The following ITIH4 variants were observed in gnomAD, a reference collection of about 807,000 sequenced individuals.
ITIH4 encodes the protein inter-alpha-trypsin inhibitor heavy chain H4.
In ITIH4, 79 loss-of-function variants were observed where a neutral mutation model predicts 111.8. The observed-to-expected ratio is 0.71, with a 90% CI of 0.59 to 0.85. ITIH4 has a LOEUF of 0.85. ITIH4 is among the 40% of genes least tolerant of loss of function. The pLI, the probability that ITIH4 is intolerant of heterozygous loss-of-function variation, is 0.00. For missense variants in ITIH4, 1,065 were observed against 1,195.8 expected (o/e 0.89, Z 1.61); for synonymous variants, 472 against 468.3 (o/e 1.01, Z -0.10).
At chr3:52,827,475 G>T (rs998494401) in intron 2 of ITIH4, among the ~76,000 whole-genome samples, 1 of 152,254 alleles carries the variant, frequency 6.6e-6, no homozygotes, top group African/African-American at 2.4e-5. Context: ...CAGAGGGGCA[G>T]GGCCGGGCTA....
chr3:52,823,945 T>A lies in ITIH4; in HGVS notation c.1231A>T (p.Ser411Cys). 1 of 1,600,848 alleles carries A rather than the reference T, an allele frequency of 6.2e-7. No homozygotes were observed. The change falls in exon 10 of 24, where the codon AGC (serine) becomes TGC (cysteine). Residue 411 changes from serine to cysteine, a missense_variant. Coordinates refer to ENST00000266041, the MANE Select transcript of ITIH4 (RefSeq NM_002218.5). ...AAACCGAAGCCCAGGCAGAAGAGGC[T>A]GTACCGGCCACTTACAGCTTCCCGC... ...NVREAVSGRY[S>C]LFCLGFGFDV...
intron 21 of ITIH4, among the ~76,000 whole-genome samples, chr3:52,815,267 G>A (rs1457218696): frequency 2.8e-5 from 4 of 145,248 alleles, no homozygotes; most frequent in African/African-American, 1.0e-4. Flanking sequence ...TTTTTGAGAC[G>A]GAGTCTCGCT....
chr3:52,825,510 T>A (rs2240915), intron 6 of ITIH4, among the ~76,000 whole-genome samples: 72,562 of 151,378 alleles, frequency 0.48, 18,572 homozygotes, highest in African/African-American at 0.66. Flanking sequence ...AGGCAGGAGT[T>A]TCTTTTGAAC....
chr3:52,817,624 C>T (rs1700304188), intron 20 of ITIH4, among the ~76,000 whole-genome samples: 1 of 152,198 alleles, frequency 6.6e-6, no homozygotes, highest in Non-Finnish European at 1.5e-5. Flanking sequence ...TCCTGCCATT[C>T]CCCTCATCCA....
chr3:52,825,894 A>C lies in ITIH4; in HGVS notation c.751T>G (p.Ser251Ala). The C allele has an allele frequency of 6.2e-7, 1 of 1,613,530 alleles. No homozygotes were observed. Among genetic ancestry groups the C allele is most frequent in the Non-Finnish European group, 8.5e-7 (1 of 1,179,748 alleles). Residue 251 changes from serine (S) to alanine (A), a missense_variant, in exon 6 of 24, where the codon TCC becomes GCC. By Grantham distance (99) the Ser-to-Ala change is moderately conservative. Transcript: ENST00000266041. ...GCCTGAAGTCCACCCACCTGAATGG[A>C]GCCCCCGGAGATGGCCCGGTCCACA... is the stretch of plus-strand genomic sequence containing the variant. The part of the protein sequence containing the change: ...YDVDRAISGG[S>A]IQIENGYFVH...
chr3:52,820,197 G>A (rs1700354520), intron 14 of ITIH4, 94 bp downstream of exon 14: 2 of 1,538,632 alleles, frequency 1.3e-6, no homozygotes. Flanking sequence ...GGGTGGACCT[G>A]GGCCCTGGCC....
At chr3:52,818,010 G>T in intron 20 of ITIH4, 42 bp downstream of exon 20, 1 of 1,449,102 alleles carries the variant, frequency 6.9e-7, no homozygotes, top group Non-Finnish European at 9.7e-7. Context: ...TGGTGGGTGT[G>T]TGCCAGTGGT....
At position 52,824,037 on chromosome 3, in the gene ITIH4, A is replaced by T. The variant is rs377749739; in HGVS notation, c.1172-33T>A. 1.3e-6 allele frequency: 2 copies of T among 1,543,078 alleles called. No homozygotes were observed. Among genetic ancestry groups the T allele is most frequent in the Non-Finnish European group, 1.7e-6 (2 of 1,144,264 alleles). ...CAGGGGTTTGGGATGAGGGTGAGAA[A>T]ATAGTGATTTGCTTGAAGAATATTT... On this transcript the variant is annotated intron_variant, in intron 9 of 23. Transcript: ENST00000266041. This position sits in a 1 kb window ranked among gnomAD's most constrained non-coding sequence, Gnocchi z 4.3.
At chr3:52,814,405 T>A (rs769091749) in intron 21 of ITIH4, 42 bp from the exon 22 acceptor site, 1 of 1,584,306 alleles carries the variant, frequency 6.3e-7, no homozygotes, top group African/African-American at 1.3e-5. Context: ...GGTAGAGACG[T>A]GTGCACAGAA....
At chr3:52,828,558 G>C (rs1384130424) in intron 2 of ITIH4, among the ~76,000 whole-genome samples, 1 of 152,188 alleles carries the variant, frequency 6.6e-6, no homozygotes, top group Non-Finnish European at 1.5e-5. Context: ...AGTAAACATT[G>C]GAAACTGAGT....
Position 52,824,183 on chromosome 3 carries a change from C to T in ITIH4, c.1171+7G>A. On this transcript the variant is annotated splice_region_variant and intron_variant, in intron 9 of 23. Transcript: ENST00000266041. The surrounding 1 kb of genome is among the most constrained non-coding windows in gnomAD (Gnocchi z 4.3). ...GCACGTCCTGGAGTCACGGGCAGGG[C>T]CCTCACCCACAGTGGGGTCGCCATC... 1.2e-6 allele frequency: 2 copies of T among 1,612,892 alleles called. No homozygotes were observed. Among genetic ancestry groups the T allele is most frequent in the Admixed American group, 1.7e-5 (1 of 60,006 alleles).
chr3:52,827,127 C>T lies in ITIH4; in HGVS notation c.322G>A (p.Ala108Thr), dbSNP rs1700494411. ...KAEAQAQYSA[A>T]VAKGKSAGLV... ...CCAGCGCTCTTTCCCTTGGCCACTG[C>T]TGCGCTGTACTGTGCCTGGGCTTCA... Residue 108 changes from alanine (A) to threonine (T), a missense_variant, in exon 3 of 24, where the codon GCA (alanine) becomes ACA (threonine). By Grantham distance (58) the Ala-to-Thr change is moderately conservative. Coordinates refer to ENST00000266041, the MANE Select transcript of ITIH4 (RefSeq NM_002218.5). 1.2e-6 allele frequency: 2 copies of T among 1,614,078 alleles called. No homozygotes were observed. Among genetic ancestry groups the T allele is most frequent in the Admixed American group, 3.3e-5 (2 of 60,010 alleles).
intron 5 of ITIH4, 82 bp downstream of exon 5, chr3:52,826,459 G>T: frequency 9.7e-7 from 1 of 1,027,628 alleles, no homozygotes; most frequent in Non-Finnish European, 1.5e-6. Context: ...AGCCCATCCT[G>T]CTTTCCAGAA....
At chr3:52,819,570 C>CA in intron 16 of ITIH4, 52 bp from the exon 17 acceptor site, 1 of 1,611,644 alleles carries the variant, frequency 6.2e-7, no homozygotes, top group Non-Finnish European at 8.5e-7. Flanking sequence ...TGTGGGTCTT[C>CA]ACAGCCAGGG....
chr3:52,820,347 A>C (rs776231388), intron 13 of ITIH4, 30 bp from the exon 14 acceptor site: 1 of 1,606,826 alleles, frequency 6.2e-7, no homozygotes, highest in Non-Finnish European at 8.5e-7. Context: ...AGAGAGAGAC[A>C]GACAGACAGA....
chr3:52,820,545 C>G, intron 13 of ITIH4, 86 bp downstream of exon 13: 7 of 1,490,008 alleles, frequency 4.7e-6, no homozygotes, highest in Non-Finnish European at 6.4e-6. Context: ...CGGTTGGGGT[C>G]TTGGTCAGGA....
At chr3:52,827,750 C>T (rs1171218770) in intron 2 of ITIH4, among the ~76,000 whole-genome samples, 1 of 152,228 alleles carries the variant, frequency 6.6e-6, no homozygotes. Context: ...TATAGGGAGG[C>T]TGGCATATCT....
chr3:52,819,153 CA>C, intron 17 of ITIH4: 1 of 509,212 alleles, frequency 2.0e-6, no homozygotes, highest in Non-Finnish European at 3.6e-6. Flanking sequence ...AAGGATGGGG[CA>C]GGGGGCAGCT....
At chr3:52,819,887 A>G (rs1343913002) in intron 15 of ITIH4, 53 bp downstream of exon 15, 1 of 1,606,622 alleles carries the variant, frequency 6.2e-7, no homozygotes, top group East Asian at 2.2e-5. Context: ...CTCCACAGCC[A>G]GGACTGAGCC....
Sources: allele counts gnomAD v4.1 joint callset (sites outside exome capture counted in the v4.1 genomes callset), GRCh38; gene constraint gnomAD v4.1.1; non-coding constraint Gnocchi (gnomAD v3.1); transcripts MANE v1.5; gene names NCBI Gene and HGNC (gene_info 2026-07-23, HGNC 2026-07-21).